BNIP1: variants seen among roughly 807,000 people sequenced by gnomAD.
BNIP1 encodes BCL2 interacting protein 1, also known as vesicle transport protein SEC20.
BNIP1 carries 25 observed loss-of-function variants against 28.5 expected under a neutral mutation model. The ratio of observed to expected loss-of-function variants is 0.88; its 90% CI spans 0.64 to 1.23. BNIP1 has a LOEUF of 1.23. Among genes scored for constraint, BNIP1 ranks in the 50% most tolerant of loss-of-function variants. The probability of loss-of-function intolerance (pLI) is 0.00; values close to 1 mark genes in which losing one functional copy is unlikely to be tolerated. For synonymous variants in BNIP1, 118 were observed against 101.7 expected, an observed-to-expected ratio of 1.16 and a Z score of -0.96; for missense variants, 276 against 277.0, an observed-to-expected ratio of 1.00 and a Z score of 0.02.
At chr5:173,160,685 A>G (rs1240478110) in intron 5 of BNIP1, 2 of 396,902 alleles carry the variant, frequency 5.0e-6, no homozygotes, top group Admixed American at 2.9e-5. Flanking sequence ...TCTGATTTTC[A>G]GTGAGGGCTC....
rs375119233 is a variant in BNIP1, at chr5:173,151,769, CT to C, written c.178-2552del. On this transcript the variant is annotated intron_variant, in intron 2 of 5. Transcript: ENST00000351486. ...TATTTCCTTCACTCATTAAAATGAC[CT>C]CACCAATACGTGTACATTTACATAT... 173 of 1,593,914 alleles carry C rather than the reference CT, an allele frequency of 1.1e-4. No homozygotes were observed. In the African/African-American group the frequency reaches 2.0e-3, roughly 18 times the overall value.
At chr5:173,147,124 T>G (rs1759861749) in intron 2 of BNIP1, among the ~76,000 whole-genome samples, 166 bp downstream of exon 2, 3 of 152,066 alleles carry the variant, frequency 2.0e-5, no homozygotes, top group Non-Finnish European at 4.4e-5. Context: ...GAGAAACTTT[T>G]GGCCGGGCAC....
intron 1 of BNIP1, among the ~76,000 whole-genome samples, chr5:173,145,768 G>A (rs1407923439): frequency 1.3e-5 from 2 of 152,214 alleles, no homozygotes; most frequent in Non-Finnish European, 2.9e-5. Flanking sequence ...TAGACTCAGA[G>A]TTTGTAACAA....
At chr5:173,147,936 A>ACCTGTAATCT (rs1292526379) in intron 2 of BNIP1, among the ~76,000 whole-genome samples, 1 of 149,604 alleles carries the variant, frequency 6.7e-6, no homozygotes, top group Non-Finnish European at 1.5e-5. Flanking sequence ...GGTGGCACAC[A>ACCTGTAATCT]CCTGTAATCT....
chr5:173,158,629 G>T (rs1321455621), intron 3 of BNIP1, 115 bp from the exon 4 acceptor site: 1 of 730,946 alleles, frequency 1.4e-6, no homozygotes, highest in Admixed American at 2.9e-5. Flanking sequence ...GGGCTCTGAA[G>T]GCCGTGCCTG....
At chr5:173,154,967 T>G (rs1250379962) in intron 3 of BNIP1, among the ~76,000 whole-genome samples, 1 of 152,222 alleles carries the variant, frequency 6.6e-6, no homozygotes, top group Non-Finnish European at 1.5e-5. Flanking sequence ...TTATACTGTA[T>G]TGTATATTTT....
chr5:173,158,888 A>G, intron 4 of BNIP1, 43 bp downstream of exon 4: 2 of 1,500,206 alleles, frequency 1.3e-6, no homozygotes, highest in South Asian at 2.4e-5. Flanking sequence ...AATAATAGAT[A>G]ACAATTGGCA....
chr5:173,160,111 C>T, intron 5 of BNIP1, 60 bp downstream of exon 5: 4 of 1,493,236 alleles, frequency 2.7e-6, no homozygotes, highest in Non-Finnish European at 3.7e-6. Flanking sequence ...GGCCCTTGCC[C>T]TGGCACCTCC....
intron 3 of BNIP1, among the ~76,000 whole-genome samples, chr5:173,157,142 C>G (rs1476219634): frequency 1.3e-5 from 2 of 152,084 alleles, no homozygotes; most frequent in Non-Finnish European, 2.9e-5. Context: ...ATCCCAGGGT[C>G]CTGCAGAACC....
chr5:173,158,915 C>G, intron 4 of BNIP1, 70 bp downstream of exon 4: 2 of 1,161,800 alleles, frequency 1.7e-6, no homozygotes, highest in Non-Finnish European at 2.4e-6. Flanking sequence ...AGGAAACCCC[C>G]TCTTGTTTTC....
At chr5:173,155,398 C>A (rs796793588) in intron 3 of BNIP1, among the ~76,000 whole-genome samples, 8 of 152,278 alleles carry the variant, frequency 5.3e-5, no homozygotes, top group African/African-American at 1.9e-4. Flanking sequence ...CATTCTCTCT[C>A]TTTTTTAAAA....
At chr5:173,153,046 G>A (rs1760066678) in intron 2 of BNIP1, among the ~76,000 whole-genome samples, 1 of 151,760 alleles carries the variant, frequency 6.6e-6, no homozygotes, top group African/African-American at 2.4e-5. Context: ...ATACTTCTGG[G>A]TATGTCTGCT....
chr5:173,161,047 C>T lies in BNIP1; in HGVS notation c.490+996C>T, dbSNP rs35143948. The T allele has an allele frequency of 8.5e-4, 288 of 340,284 alleles. 1 individual carries two copies. Among genetic ancestry groups the T allele is most frequent in the Non-Finnish European group, 1.4e-3 (243 of 171,868 alleles). 21.1% of individuals were successfully genotyped at this position (340,284 alleles called of 1,614,324 possible). ...AGGAGAAAGCATGGTATCCTGAATC[C>T]CCTGAGCCCTGAGTCCATTACCCCA... is the stretch of plus-strand genomic sequence containing the variant. On this transcript the variant is annotated intron_variant, in intron 5 of 5. Transcript: ENST00000351486.
intron 3 of BNIP1, among the ~76,000 whole-genome samples, chr5:173,157,770 C>A (rs1760242625): frequency 6.6e-6 from 1 of 152,162 alleles, no homozygotes; most frequent in Non-Finnish European, 1.5e-5. Context: ...TTATCACCCA[C>A]AAGTTAGCGC....
intron 2 of BNIP1, among the ~76,000 whole-genome samples, chr5:173,150,838 G>GTT: frequency 6.7e-6 from 1 of 149,490 alleles, no homozygotes; most frequent in Non-Finnish European, 1.5e-5. Flanking sequence ...TTATACTTTT[G>GTT]TTTTTTTGTT....
rs917110422 is a variant in BNIP1, at chr5:173,163,828, G to A, written c.594G>A (p.Glu198=). The change falls in exon 6 of 6, where the codon GAG becomes GAA. Residue 198 remains glutamate, a synonymous_variant. Coordinates refer to ENST00000351486, the MANE Select transcript of BNIP1 (RefSeq NM_001205.3). Reference sequence around the variant, plus strand: ...TTATCACAAAATACAATCGCCGGGAGCTGACGGACAAGCTTCTCATCTTCC... The same window carrying A: ...TTATCACAAAATACAATCGCCGGGAACTGACGGACAAGCTTCTCATCTTCC... ...RKLITKYNRR[E]LTDKLLIFLA... 5 of 1,613,900 alleles carry A rather than the reference G, an allele frequency of 3.1e-6. No individual in the cohort carries two copies. In the African/African-American group the frequency reaches 5.3e-5, roughly 17 times the overall value.
At chr5:173,154,198 A>G in intron 2 of BNIP1, 124 bp from the exon 3 acceptor site, 1 of 716,504 alleles carries the variant, frequency 1.4e-6, no homozygotes, top group Admixed American at 2.7e-5. Flanking sequence ...TAGCATTCCT[A>G]GGTGTTCTGT....
At chr5:173,148,130 ATATATATT>A (rs1204049794) in intron 2 of BNIP1, among the ~76,000 whole-genome samples, 12 of 102,720 alleles carry the variant, frequency 1.2e-4, no homozygotes, top group African/African-American at 4.7e-4. Flanking sequence ...ATATATATAT[ATATATATT>A]TTAATAGAGA....
chr5:173,153,523 G>A (rs1430375688), intron 2 of BNIP1, among the ~76,000 whole-genome samples: 1 of 152,086 alleles, frequency 6.6e-6, no homozygotes, highest in African/African-American at 2.4e-5. Context: ...CACTGCGCCC[G>A]GCCGAGAACA....
Sources: gnomAD v4.1 joint callset for allele counts (sites outside exome capture counted in the v4.1 genomes callset) on GRCh38, gnomAD v4.1.1 for gene constraint, MANE v1.5 for transcripts, NCBI Gene and HGNC (gene_info 2026-07-23, HGNC 2026-07-21) for gene names.